Variants in ACACB observed in about 807,000 individuals in gnomAD.
ACACB encodes acetyl-CoA carboxylase beta.
ACACB carries 209 observed loss-of-function variants against 278.8 expected under a neutral mutation model. The observed-to-expected ratio is 0.75, with a 90% CI of 0.67 to 0.84. ACACB has a LOEUF of 0.84. Among genes scored for constraint, ACACB ranks in the 40% least tolerant of loss-of-function variants. ACACB has a pLI of 0.00. For synonymous variants in ACACB, 1,174 were observed against 1,285.6 expected (o/e 0.91, Z 1.86); for missense variants, 2,850 against 3,269.0 (o/e 0.87, Z 3.13).
At chr12:109,187,853 T>C in intron 12 of ACACB, 146 bp from the exon 13 acceptor site, 1 of 765,990 alleles carries the variant, frequency 1.3e-6, no homozygotes, top group Non-Finnish European at 2.0e-6. Context: ...CATCCATACC[T>C]GTAACAAGCG....
intron 31 of ACACB, 145 bp downstream of exon 31, chr12:109,234,190 C>A: frequency 1.5e-6 from 1 of 680,484 alleles, no homozygotes; most frequent in Non-Finnish European, 2.6e-6. Context: ...CTGCTCGCCT[C>A]ATAGCTGGCG....
chr12:109,163,177 G>A (rs758014914), intron 2 of ACACB, among the ~76,000 whole-genome samples: 4 of 151,924 alleles, frequency 2.6e-5, no homozygotes, highest in Non-Finnish European at 5.9e-5. Flanking sequence ...CACCTGCCTC[G>A]GCCTCCCATA....
chr12:109,180,699 G>A lies in ACACB; in HGVS notation c.1818+612G>A, dbSNP rs145966637. Among the ~76,000 whole-genome samples the A allele has an allele frequency of 3.0e-4, 45 of 152,096 alleles. No individual in the cohort carries two copies. The East Asian group carries it at 7.5e-3, about 25-fold the overall frequency. On this transcript the variant is annotated intron_variant, in intron 11 of 52. Transcript: ENST00000338432. ...GTTGCCCAGGCTGGAGTGCAGTGGC[G>A]CGATCTCGGCTCACTGCAGCCTCCG...
At chr12:109,260,801 A>G (rs1201190492) in intron 48 of ACACB, 144 bp downstream of exon 48, 12 of 905,392 alleles carry the variant, frequency 1.3e-5, no homozygotes, top group Non-Finnish European at 1.8e-5. Flanking sequence ...CATGGTTTCC[A>G]CTTCCCCTTC....
chr12:109,137,402 G>C (rs181817509), intron 1 of ACACB, among the ~76,000 whole-genome samples: 304 of 152,278 alleles, frequency 2.0e-3, no homozygotes, highest in African/African-American at 7.1e-3. Flanking sequence ...TCTCACGCCT[G>C]TAATCCTAGC....
In ACACB at chr12:109,235,655, C is replaced by T. The variant is rs187390363; in HGVS notation, c.4446+8C>T. Reference sequence around the variant, plus strand: ...TTCAGAGCAAGAGATGAGGTATGGCCAAAAGTAATGATGTTTTCTCTTCTC... The same window carrying T: ...TTCAGAGCAAGAGATGAGGTATGGCTAAAAGTAATGATGTTTTCTCTTCTC... On this transcript the variant is annotated splice_region_variant and intron_variant, in intron 33 of 52. Transcript: ENST00000338432. 368 of 1,607,624 alleles carry T rather than the reference C, an allele frequency of 2.3e-4. 3 individuals carry two copies. In the Admixed American group the frequency reaches 5.9e-3, roughly 26 times the overall value.
intron 2 of ACACB, among the ~76,000 whole-genome samples, chr12:109,165,298 C>T (rs1020473556): frequency 6.6e-6 from 1 of 152,114 alleles, no homozygotes; most frequent in African/African-American, 2.4e-5. Flanking sequence ...GGAAGGAGAA[C>T]AGAGGCCTTC....
intron 17 of ACACB, 23 bp downstream of exon 17, chr12:109,197,176 C>G: frequency 6.3e-7 from 1 of 1,594,248 alleles, no homozygotes; most frequent in South Asian, 1.1e-5. Context: ...GCGAGTCCCA[C>G]TGTGGGCTGG....
chr12:109,240,593 AT>A (rs1483680049), intron 35 of ACACB, among the ~76,000 whole-genome samples: 1 of 148,224 alleles, frequency 6.7e-6, no homozygotes, highest in Non-Finnish European at 1.5e-5. Context: ...AATGTATTTT[AT>A]TTTATTATTT....
At chr12:109,216,523 C>T in intron 22 of ACACB, 95 bp from the exon 23 acceptor site, 2 of 1,314,352 alleles carry the variant, frequency 1.5e-6, no homozygotes, top group African/African-American at 1.5e-5. Flanking sequence ...CCCAGCCAAT[C>T]CTTTCTCTTT....
At chr12:109,148,117 G>A (rs549649165) in intron 2 of ACACB, among the ~76,000 whole-genome samples, 1 of 152,232 alleles carries the variant, frequency 6.6e-6, no homozygotes, top group East Asian at 1.9e-4. Context: ...CCTCCCCTTT[G>A]GGTTGATCTC....
intron 1 of ACACB, among the ~76,000 whole-genome samples, chr12:109,117,264 G>A (rs2042426973): frequency 6.6e-6 from 1 of 150,698 alleles, no homozygotes; most frequent in African/African-American, 2.4e-5. Context: ...GGAGGCTGAG[G>A]CAGGAGAATC....
Position 109,171,831 on chromosome 12 carries a change from G to T in ACACB, c.952G>T (p.Val318Phe), listed in dbSNP as rs372405230. 6.2e-7 allele frequency: 1 copy of T among 1,613,884 alleles called. No individual in the cohort carries two copies. Among genetic ancestry groups the T allele is most frequent in the Admixed American group, 1.7e-5 (1 of 59,998 alleles). ...GTACATCAAGATGGCGGATCATTAC[G>T]TCCCCGTCCCAGGAGGGCCCAATAA... The part of the protein sequence containing the change: ...AEYIKMADHY[V>F]PVPGGPNNNN... The change falls in exon 5 of 53, where the codon GTC becomes TTC. Residue 318 changes from valine (V) to phenylalanine (F), a missense_variant. This residue lies in a region of ACACB where 2,265 missense variants were observed against 2,561.3 expected (regional missense o/e 0.88). Transcript: ENST00000338432.
rs2047489454 is a variant in ACACB at position 109,265,369 on chromosome 12, AT to A, written c.7114-19del. The A allele has an allele frequency of 6.2e-7, 1 of 1,612,952 alleles. No homozygotes were observed. The highest frequency in any genetic ancestry group is 1.3e-5 in the African/African-American group (1 of 74,902). Reference sequence around the variant, plus strand: ...CCACAGCTGGGTCCCTCTCTGAGGCATCCTCTGCCCCCTCCCCAGGCCTACT... The same window carrying A: ...CCACAGCTGGGTCCCTCTCTGAGGCACCTCTGCCCCCTCCCCAGGCCTACT... On this transcript the variant is annotated intron_variant, in intron 51 of 52. Transcript: ENST00000338432.
chr12:109,257,684 C>T (rs2047265247), intron 45 of ACACB, among the ~76,000 whole-genome samples: 2 of 152,194 alleles, frequency 1.3e-5, no homozygotes, highest in East Asian at 3.8e-4. Context: ...AATCCTCCCA[C>T]CTCAGCCTCC....
At position 109,266,275 on chromosome 12, in the gene ACACB, G is replaced by C; in HGVS notation, c.7290G>C (p.Val2430=). 1.2e-6 allele frequency: 2 copies of C among 1,613,880 alleles called. No homozygotes were observed. Among genetic ancestry groups the C allele is most frequent in the Non-Finnish European group, 1.7e-6 (2 of 1,179,950 alleles). The change falls in exon 53 of 53, where the codon GTG becomes GTC. Residue 2430 remains valine, a synonymous_variant. Transcript: ENST00000338432. The part of the protein sequence containing the change: ...EENPEVAVDC[V]IYLSQHISPA... Reference sequence around the variant, plus strand: ...ACCCCGAGGTGGCCGTGGACTGTGTGATATACCTGAGCCAGCACATCAGCC... The same window carrying C: ...ACCCCGAGGTGGCCGTGGACTGTGTCATATACCTGAGCCAGCACATCAGCC...
intron 15 of ACACB, among the ~76,000 whole-genome samples, chr12:109,192,880 G>A (rs2044944716): frequency 1.3e-5 from 2 of 152,102 alleles, no homozygotes; most frequent in African/African-American, 4.8e-5. Flanking sequence ...CCCCCAGGCT[G>A]GTCTCAAACT....
intron 22 of ACACB, among the ~76,000 whole-genome samples, chr12:109,214,985 A>C (rs2045951274): frequency 6.6e-6 from 1 of 151,774 alleles, no homozygotes; most frequent in Non-Finnish European, 1.5e-5. Flanking sequence ...GGTCCCAGCT[A>C]CTCCAGAGGC....
chr12:109,221,988 A>C (rs1168450611), intron 24 of ACACB, among the ~76,000 whole-genome samples: 1 of 151,636 alleles, frequency 6.6e-6, no homozygotes. Flanking sequence ...GGGATGATCA[A>C]ATCATCCTCC....
Sources: allele counts gnomAD v4.1 joint callset (sites outside exome capture counted in the v4.1 genomes callset), GRCh38; gene constraint gnomAD v4.1.1; regional missense constraint gnomAD v4.1.1; transcripts MANE v1.5; gene names NCBI Gene and HGNC (gene_info 2026-07-23, HGNC 2026-07-21).